The following MVP variants were observed in gnomAD, a reference collection of about 807,000 sequenced individuals.
MVP encodes lung resistance-related protein.
A neutral mutation model predicts 83.5 loss-of-function variants in MVP; 62 were observed. That is an observed-to-expected ratio of 0.74 (90% CI 0.61 to 0.92). MVP has a LOEUF of 0.92. Ranked by LOEUF, MVP falls within the 40% of genes least tolerant of loss-of-function variation. The probability of loss-of-function intolerance (pLI) is 0.00; values close to 1 mark genes in which losing one functional copy is unlikely to be tolerated. For missense variants in MVP, 1,000 were observed against 1,203.4 expected, an observed-to-expected ratio of 0.83 and a Z score of 2.50; for synonymous variants, 505 against 504.1, an observed-to-expected ratio of 1.00 and a Z score of -0.02.
At chr16:29,823,122 CTT>C (rs66512916) in intron 1 of MVP, among the ~76,000 whole-genome samples, 364 of 98,480 alleles carry the variant, frequency 3.7e-3, no homozygotes, top group African/African-American at 0.015. Flanking sequence ...CTTTTCTTTT[CTT>C]TTTTTTTTTT....
chr16:29,835,686 C>T lies in MVP; in HGVS notation c.578-18C>T, dbSNP rs1314554699. 5.0e-6 allele frequency: 8 copies of T among 1,611,306 alleles called. No individual in the cohort carries two copies. The highest frequency in any genetic ancestry group is 2.2e-5 in the East Asian group (1 of 44,824). ...AGGCTGGGGGGCCCTTGTCCCTTAC[C>T]CTCCACTCTTGGCCCAGGGGAAGAA... On this transcript the variant is annotated intron_variant, in intron 5 of 14. Coordinates refer to ENST00000357402, the MANE Select transcript of MVP (RefSeq NM_005115.5).
rs753300502 is a variant in MVP, at chr16:29,833,916, C to T, written c.446-19C>T. 33 of 1,613,988 alleles carry T rather than the reference C, an allele frequency of 2.0e-5. No individual in the cohort carries two copies. The East Asian group carries it at 6.7e-4, about 33-fold the overall frequency. Reference sequence around the variant, plus strand: ...TGTCATAGCCCTGATACCTTCTGACCATCACCTTCCCTCCCCAGGCACGTA... The same window carrying T: ...TGTCATAGCCCTGATACCTTCTGACTATCACCTTCCCTCCCCAGGCACGTA... On this transcript the variant is annotated intron_variant, in intron 4 of 14. Transcript: ENST00000357402.
intron 1 of MVP, chr16:29,822,752 C>G (rs1373350623): frequency 6.6e-6 from 1 of 152,256 alleles, no homozygotes; most frequent in African/African-American, 2.4e-5. Flanking sequence ...GAGTCTCGCT[C>G]TGTCCCCCAG....
Position 29,845,897 on chromosome 16 carries a change from G to T in MVP, c.2056G>T (p.Gly686Cys). Residue 686 changes from glycine (G) to cysteine (C), a missense_variant, in exon 12 of 15, where the codon GGC becomes TGC. Gly to Cys is a radical substitution (Grantham distance 159). Coordinates refer to ENST00000357402, the MANE Select transcript of MVP (RefSeq NM_005115.5). ...TCAGAGACTGGAGCAGGAAGCCCGC[G>T]GCCGGCTTGAGCGGCAGAAGATCCT... ...EAQRLEQEARGRLERQKILDQ... is the reference protein window; with the variant it reads ...EAQRLEQEARCRLERQKILDQ... The T allele has an allele frequency of 6.2e-7, 1 of 1,614,110 alleles. No individual in the cohort carries two copies. Among genetic ancestry groups the T allele is most frequent in the African/African-American group, 1.3e-5 (1 of 75,054 alleles).
At chr16:29,822,384 G>A (rs2067369537) in intron 1 of MVP, among the ~76,000 whole-genome samples, 1 of 151,974 alleles carries the variant, frequency 6.6e-6, no homozygotes, top group Non-Finnish European at 1.5e-5. Context: ...TCCTAAAGGG[G>A]GTAAACCAGG....
Position 29,841,516 on chromosome 16 carries a change from G to C in MVP, c.1192-80G>C. 1 of 1,497,024 alleles carries C rather than the reference G, an allele frequency of 6.7e-7. No individual in the cohort carries two copies. The highest frequency in any genetic ancestry group is 2.3e-5 in the Admixed American group (1 of 43,126). 92.7% of individuals were successfully genotyped at this position (1,497,024 alleles called of 1,614,324 possible). A position where few individuals can be genotyped will look rare whatever the true frequency, so the allele number is the denominator to read the frequency against. ...CCTCGTGGCGCGCCTTCCCTGGATGGGCTCTGCTTTGGGACAGCTGGGCGG... is the reference window on the plus strand; with the variant it reads ...CCTCGTGGCGCGCCTTCCCTGGATGCGCTCTGCTTTGGGACAGCTGGGCGG... On this transcript the variant is annotated intron_variant, in intron 8 of 14. Coordinates refer to ENST00000357402, the MANE Select transcript of MVP (RefSeq NM_005115.5). This position sits in a 1 kb window ranked among gnomAD's most constrained non-coding sequence, Gnocchi z 4.7.
chr16:29,831,140 G>C, intron 3 of MVP, 67 bp downstream of exon 3: 1 of 1,397,700 alleles, frequency 7.2e-7, no homozygotes, highest in Non-Finnish European at 9.7e-7. Flanking sequence ...GCTCTATACT[G>C]CTGCCTTCTT....
chr16:29,836,166 G>A (rs964692602), intron 6 of MVP, among the ~76,000 whole-genome samples: 3 of 151,494 alleles, frequency 2.0e-5, no homozygotes, highest in African/African-American at 7.3e-5. Context: ...CTCCAGAGGC[G>A]CTGAGGCAGG....
chr16:29,834,869 A>ATTTTTTTTTTTTTTTTTT (rs61591338), intron 5 of MVP: 5 of 88,910 alleles, frequency 5.6e-5, no homozygotes, highest in Admixed American at 1.4e-4. Flanking sequence ...TTTTTTTTGT[A>ATTTTTTTTTTTTTTTTTT]TTTTTTTTTT....
rs2150758635 is a variant in MVP, at chr16:29,841,664, T to C, written c.1260T>C (p.Pro420=). 6.2e-7 allele frequency: 1 copy of C among 1,611,330 alleles called. No individual in the cohort carries two copies. The highest frequency in any genetic ancestry group is 1.3e-5 in the African/African-American group (1 of 74,754). Residue 420 remains proline, a synonymous_variant, in exon 9 of 15, where the codon CCT becomes CCC. Coordinates refer to ENST00000357402, the MANE Select transcript of MVP (RefSeq NM_005115.5). The surrounding 1 kb of genome is among the most constrained non-coding windows in gnomAD (Gnocchi z 4.7). ...QDEVLWEKEL[P]PGVEELLNKG... The stretch of plus-strand genomic sequence containing the variant: ...AAGTCCTGTGGGAGAAAGAGCTGCC[T>C]CCCGGGGTGGAGGAGCTGCTGAACA...
intron 3 of MVP, among the ~76,000 whole-genome samples, chr16:29,831,311 G>A (rs71389428): frequency 0.16 from 24,399 of 151,856 alleles, 2,148 homozygotes; most frequent in African/African-American, 0.24. Context: ...CCGCCACCAC[G>A]CCCGGCTAAT....
At chr16:29,842,368 C>T (rs538550118) in intron 10 of MVP, among the ~76,000 whole-genome samples, 111 of 152,096 alleles carry the variant, frequency 7.3e-4, no homozygotes, top group Non-Finnish European at 1.3e-3. Flanking sequence ...TGCAATGGCG[C>T]GATCTTGGCT....
At chr16:29,828,897 A>C (rs1222611783) in intron 1 of MVP, among the ~76,000 whole-genome samples, 2 of 152,122 alleles carry the variant, frequency 1.3e-5, no homozygotes, top group African/African-American at 4.8e-5. Context: ...AAAAAGTTGA[A>C]GTTTTACAGA....
chr16:29,844,725 C>T lies in MVP; in HGVS notation c.1867C>T (p.Arg623Trp), dbSNP rs147256190. Residue 623 changes from arginine (R) to tryptophan (W), a missense_variant, in exon 11 of 15, where the codon CGG becomes TGG. Coordinates refer to ENST00000357402, the MANE Select transcript of MVP (RefSeq NM_005115.5). The part of the protein sequence containing the change: ...GPDGMALPRP[R>W]DQAVFPQNGL... ...CGATGGCATGGCCCTGCCCAGGCCC[C>T]GGGACCAGGCTGTCTTCCCCCAAAA... 300 of 1,613,302 alleles carry T rather than the reference C, an allele frequency of 1.9e-4. No homozygotes were observed. The highest frequency in any genetic ancestry group is 3.8e-4 in the Admixed American group (23 of 60,008).
At chr16:29,835,201 G>C (rs1278376823) in intron 5 of MVP, 1 of 152,882 alleles carries the variant, frequency 6.5e-6, no homozygotes, top group African/African-American at 2.4e-5. Flanking sequence ...GGTCTTTGGA[G>C]CTTAGAGAAG....
Position 29,843,500 on chromosome 16 carries a change from C to CGGAGGAAGGGAGGAAGGGAGGAAG in MVP, c.1635-963_1635-940dup, listed in dbSNP as rs1183954984. Among the ~76,000 whole-genome samples, 67 of 47,380 alleles carry CGGAGGAAGGGAGGAAGGGAGGAAG rather than the reference C, an allele frequency of 1.4e-3. 9 individuals are homozygous for CGGAGGAAGGGAGGAAGGGAGGAAG. Among genetic ancestry groups the CGGAGGAAGGGAGGAAGGGAGGAAG allele is most frequent in the East Asian group, 3.9e-3 (6 of 1,522 alleles). The allele number at this position is 47,380 out of a possible 152,430, so 31.1% of individuals were successfully genotyped here. A position where few individuals can be genotyped will look rare whatever the true frequency, so the allele number is the denominator to read the frequency against. On this transcript the variant is annotated intron_variant, in intron 10 of 14. Transcript: ENST00000357402. The stretch of plus-strand genomic sequence containing the variant: ...ACAGAGACCCACAGAGACCCTGTCT[C>CGGAGGAAGGGAGGAAGGGAGGAAG]GGAGGAAGGGAGGAAGGGAGGAAGG...
intron 7 of MVP, 133 bp from the exon 8 acceptor site, chr16:29,840,045 T>A (rs1417761833): frequency 1.7e-5 from 14 of 845,320 alleles, no homozygotes; most frequent in Non-Finnish European, 2.4e-5. Context: ...CGTATTATGA[T>A]GTGGGGGTGG....
intron 7 of MVP, among the ~76,000 whole-genome samples, chr16:29,837,539 A>T (rs1304534884): frequency 1.3e-5 from 2 of 152,174 alleles, no homozygotes; most frequent in East Asian, 3.9e-4. Context: ...GGATCACTTG[A>T]GGTCAGGAGT....
intron 7 of MVP, among the ~76,000 whole-genome samples, chr16:29,839,930 G>A (rs143906687): frequency 1.3e-5 from 2 of 151,960 alleles, no homozygotes; most frequent in South Asian, 2.1e-4. Context: ...TTTAGCTTGC[G>A]TGGATCCAGG....
Sources: gnomAD v4.1 joint callset for allele counts (sites outside exome capture counted in the v4.1 genomes callset) on GRCh38, gnomAD v4.1.1 for gene constraint, Gnocchi (gnomAD v3.1) non-coding constraint, MANE v1.5 for transcripts, NCBI Gene and HGNC (gene_info 2026-07-23, HGNC 2026-07-21) for gene names.